FBF1: variants seen among roughly 807,000 people sequenced by gnomAD.
The protein encoded by FBF1 is Fas binding factor 1.
FBF1 carries 119 observed loss-of-function variants against 147.2 expected under a neutral mutation model. The observed-to-expected ratio is 0.81, with a 90% CI of 0.70 to 0.94. The LOEUF (loss-of-function observed/expected upper bound fraction) is 0.94. Among genes scored for constraint, FBF1 ranks in the 40% least tolerant of loss-of-function variants. The pLI, the probability that FBF1 is intolerant of heterozygous loss-of-function variation, is 0.00. For synonymous variants in FBF1, 601 were observed against 609.0 expected (o/e 0.99, Z 0.19); for missense variants, 1,449 against 1,500.8 (o/e 0.97, Z 0.57).
chr17:75,926,187 G>A lies in FBF1; in HGVS notation c.735-24C>T, dbSNP rs1223639387. ...CCCTGCAGGACGGGACACACGGCAGGAACGTGTAGGTATGAGGGGCTCTCG... is the reference window on the plus strand; with the variant it reads ...CCCTGCAGGACGGGACACACGGCAGAAACGTGTAGGTATGAGGGGCTCTCG... On this transcript the variant is annotated intron_variant, in intron 11 of 29. Coordinates refer to ENST00000636174, the MANE Select transcript of FBF1 (RefSeq NM_001319193.2). The A allele has an allele frequency of 4.4e-6, 7 of 1,605,408 alleles. No homozygotes were observed. In the South Asian group the frequency reaches 7.8e-5, roughly 18 times the overall value.
At chr17:75,914,503 T>C in intron 25 of FBF1, 2 of 896,934 alleles carry the variant, frequency 2.2e-6, no homozygotes, top group South Asian at 3.7e-5. Flanking sequence ...AACTCTGAAG[T>C]TCGGTTTCCT....
intron 10 of FBF1, 67 bp from the exon 11 acceptor site, chr17:75,926,493 T>C (rs1598158340): frequency 1.4e-6 from 2 of 1,474,432 alleles, no homozygotes; most frequent in Non-Finnish European, 1.8e-6. Context: ...CTGAATGGGG[T>C]TGGGGGTGGT....
At chr17:75,913,583 G>C (rs1217925514) in intron 28 of FBF1, 119 bp downstream of exon 28, 1 of 637,390 alleles carries the variant, frequency 1.6e-6, no homozygotes, top group Non-Finnish European at 2.6e-6. Context: ...AAAGAAATAA[G>C]GCGACTATAA....
At position 75,923,469 on chromosome 17, in the gene FBF1, C is replaced by T. The variant is rs760635951; in HGVS notation, c.1141G>A (p.Glu381Lys). 6.2e-7 allele frequency: 1 copy of T among 1,608,914 alleles called. No homozygotes were observed. ...GAGGGCGTGACAGGCACTGAACTTT[C>T]CCGATGGGCCTCTCTGGTGGGTGAG... ...PASPTREAHR[E>K]SSVPVTPSVP... is the part of the protein sequence containing the mutation. Residue 381 changes from glutamate to lysine, a missense_variant, in exon 14 of 30, where the codon GAA becomes AAA. Glu to Lys is a moderately conservative substitution (Grantham distance 56, BLOSUM62 1). Coordinates refer to ENST00000636174, the MANE Select transcript of FBF1 (RefSeq NM_001319193.2). The surrounding 1 kb of genome is among the most constrained non-coding windows in gnomAD (Gnocchi z 4.1).
chr17:75,914,150 C>A lies in FBF1; in HGVS notation c.2963G>T (p.Arg988Leu). The stretch of plus-strand genomic sequence containing the variant: ...GCTCATGCTCTCCACCTCCTCGGCG[C>A]GGAGCTTGACACGCAGGGCGGTGGC... ...INATALRVKL[R>L]AEEVESMSKV... The change falls in exon 26 of 30, where the codon CGC (arginine) becomes CTC (leucine). Residue 988 changes from arginine to leucine, a missense_variant. Coordinates refer to ENST00000636174, the MANE Select transcript of FBF1 (RefSeq NM_001319193.2). 6 of 1,602,102 alleles carry A rather than the reference C, an allele frequency of 3.7e-6. No homozygotes were observed. Among genetic ancestry groups the A allele is most frequent in the Non-Finnish European group, 3.4e-6 (4 of 1,176,828 alleles).
rs373626546 is a variant in FBF1 at position 75,919,619 on chromosome 17, G to A, written c.2138+49C>T. The A allele has an allele frequency of 5.3e-5, 82 of 1,545,058 alleles. No homozygotes were observed. Among genetic ancestry groups the A allele is most frequent in the Non-Finnish European group, 6.7e-5 (77 of 1,146,712 alleles). ...GGTCTCGTGGGGATGGCTCTCTTCC[G>A]GCTACTCCTTGCAAGCCTGCTCCCC... On this transcript the variant is annotated intron_variant, in intron 20 of 29. Transcript: ENST00000636174. This position sits in a 1 kb window ranked among gnomAD's most constrained non-coding sequence, Gnocchi z 5.0.
At chr17:75,937,371 C>T (rs527613979) in intron 3 of FBF1, among the ~76,000 whole-genome samples, 195 bp downstream of exon 3, 48 of 152,144 alleles carry the variant, frequency 3.2e-4, no homozygotes, top group Admixed American at 2.6e-3. Flanking sequence ...GGGGTTTCAT[C>T]GTGTTAGCCA....
At position 75,910,654 on chromosome 17, in the gene FBF1, G is replaced by T; in HGVS notation, c.*69C>A. On this transcript the variant is annotated 3_prime_UTR_variant, in exon 30 of 30. Coordinates refer to ENST00000636174, the MANE Select transcript of FBF1 (RefSeq NM_001319193.2). This position sits in a 1 kb window ranked among gnomAD's most constrained non-coding sequence, Gnocchi z 4.1. ...ATCCTCCCCAGGCACTGCCTCCATG[G>T]AGGCAGCCGGAGGAACAGGACAGTT... 7.1e-7 allele frequency: 1 copy of T among 1,413,624 alleles called. No homozygotes were observed. Among genetic ancestry groups the T allele is most frequent in the South Asian group, 1.2e-5 (1 of 81,106 alleles). The allele number at this position is 1,413,624 out of a possible 1,614,324, so 87.6% of individuals were successfully genotyped here.
chr17:75,927,362 A>G, intron 9 of FBF1, 93 bp downstream of exon 9: 1 of 1,036,866 alleles, frequency 9.6e-7, no homozygotes, highest in Non-Finnish European at 1.4e-6. Flanking sequence ...CATGTGACAT[A>G]GGCAGCAGCT....
Position 75,925,373 on chromosome 17 carries a change from G to A in FBF1, c.942C>T (p.Gly314=), listed in dbSNP as rs1387110497. The part of the protein sequence containing the change: ...AYQPTVVSSE[G]RQSRRQSVSR... ...TGACAGACTGCCGGCGGGACTGCCG[G>A]CCCTCAGAGGAGACCACAGTGGGCT... The change falls in exon 13 of 30, where the codon GGC becomes GGT. Residue 314 remains glycine, a synonymous_variant. Transcript: ENST00000636174. This position sits in a 1 kb window ranked among gnomAD's most constrained non-coding sequence, Gnocchi z 5.0. The A allele has an allele frequency of 6.2e-7, 1 of 1,613,216 alleles. No individual in the cohort carries two copies. The highest frequency in any genetic ancestry group is 1.1e-5 in the South Asian group (1 of 91,036).
intron 15 of FBF1, 55 bp downstream of exon 15, chr17:75,921,890 G>T: frequency 6.9e-7 from 1 of 1,439,400 alleles, no homozygotes; most frequent in Non-Finnish European, 9.5e-7. Flanking sequence ...TCAGGACAGA[G>T]GCCTGTGCTG....
Position 75,914,191 on chromosome 17 carries a change from C to T in FBF1, c.2922G>A (p.Glu974=). The T allele has an allele frequency of 1.9e-6, 3 of 1,592,732 alleles. No individual in the cohort carries two copies. Among genetic ancestry groups the T allele is most frequent in the Non-Finnish European group, 2.6e-6 (3 of 1,172,526 alleles). The change falls in exon 26 of 30, where the codon GAG becomes GAA. Residue 974 remains glutamate (E), a synonymous_variant. Transcript: ENST00000636174. ...LEQERQELRL[E]KERINATALR... is the part of the protein sequence containing the mutation. ...GGGCGGTGGCGTTGATCCTCTCCTTCTCCAGCCGCAGCTCCTGCCGCTCCT... is the reference window on the plus strand; with the variant it reads ...GGGCGGTGGCGTTGATCCTCTCCTTTTCCAGCCGCAGCTCCTGCCGCTCCT...
At chr17:75,916,779 G>C (rs1045232655) in intron 23 of FBF1, among the ~76,000 whole-genome samples, 2 of 152,264 alleles carry the variant, frequency 1.3e-5, no homozygotes, top group African/African-American at 2.4e-5. Flanking sequence ...GTAAGGAAAA[G>C]GATGTGAGCA....
chr17:75,940,342 C>G (rs1708953787), intron 1 of FBF1, among the ~76,000 whole-genome samples: 1 of 151,842 alleles, frequency 6.6e-6, no homozygotes, highest in Admixed American at 6.6e-5. Flanking sequence ...GCCTCGACCT[C>G]CTTGGGCTCA....
rs764881026 is a variant in FBF1, at chr17:75,912,183, G to A, written c.3363+9C>T. 2.5e-6 allele frequency: 4 copies of A among 1,600,128 alleles called. No individual in the cohort carries two copies. Among genetic ancestry groups the A allele is most frequent in the Non-Finnish European group, 3.4e-6 (4 of 1,174,162 alleles). On this transcript the variant is annotated intron_variant, in intron 29 of 29. Transcript: ENST00000636174. Reference sequence around the variant, plus strand: ...AACACAAGGATCCCCAAGGCCAGGAGAGACTCACCTGCTCTGCCATGTGCC... The same window carrying A: ...AACACAAGGATCCCCAAGGCCAGGAAAGACTCACCTGCTCTGCCATGTGCC...
At chr17:75,934,025 A>G (rs2065609407) in intron 4 of FBF1, among the ~76,000 whole-genome samples, 1 of 152,222 alleles carries the variant, frequency 6.6e-6, no homozygotes. Context: ...TACAGTTACC[A>G]TATGGTCCAG....
rs763647398 is a variant in FBF1 at position 75,920,348 on chromosome 17, G to A, written c.1756C>T (p.Leu586Phe). The change falls in exon 18 of 30, where the codon CTT becomes TTT. Residue 586 changes from leucine (L) to phenylalanine (F), a missense_variant. Transcript: ENST00000636174. ...QKQLLAAQVQ[L>F]QCSPAELQAE... ...TGGAGCTCAGCGGGGCTGCACTGAAGTTGCACCTGTGCTGCCAGGAGCTGC... is the reference window on the plus strand; with the variant it reads ...TGGAGCTCAGCGGGGCTGCACTGAAATTGCACCTGTGCTGCCAGGAGCTGC... 2 of 1,609,118 alleles carry A rather than the reference G, an allele frequency of 1.2e-6. No individual in the cohort carries two copies. The highest frequency in any genetic ancestry group is 8.5e-7 in the Non-Finnish European group (1 of 1,178,338).
At position 75,918,196 on chromosome 17, in the gene FBF1, C is replaced by T. The variant is rs751354281; in HGVS notation, c.2212G>A (p.Val738Ile). Residue 738 changes from valine to isoleucine, a missense_variant, in exon 21 of 30, where the codon GTC becomes ATC. By Grantham distance (29) the Val-to-Ile change is conservative. Coordinates refer to ENST00000636174, the MANE Select transcript of FBF1 (RefSeq NM_001319193.2). The surrounding 1 kb of genome is among the most constrained non-coding windows in gnomAD (Gnocchi z 5.8). ...QRLKLLKDRE[V>I]DAATSATSHT... ...GAGGTGGCACTGGTGGCCGCATCGACCTCTCGGTCCTTCAGCAGCTTTAGC... is the reference window on the plus strand; with the variant it reads ...GAGGTGGCACTGGTGGCCGCATCGATCTCTCGGTCCTTCAGCAGCTTTAGC... 1.2e-6 allele frequency: 2 copies of T among 1,613,394 alleles called. No homozygotes were observed. The highest frequency in any genetic ancestry group is 2.2e-5 in the East Asian group (1 of 44,866).
intron 17 of FBF1, 72 bp from the exon 18 acceptor site, chr17:75,920,501 G>T (rs2065519125): frequency 7.5e-6 from 11 of 1,460,550 alleles, no homozygotes; most frequent in Non-Finnish European, 4.6e-6. Flanking sequence ...GCTACCTCCT[G>T]GCCCACTGCT....
Sources: allele counts gnomAD v4.1 joint callset (sites outside exome capture counted in the v4.1 genomes callset), GRCh38; gene constraint gnomAD v4.1.1; non-coding constraint Gnocchi (gnomAD v3.1); transcripts MANE v1.5; gene names NCBI Gene and HGNC (gene_info 2026-07-23, HGNC 2026-07-21).